The following TRPM7 variants were observed in gnomAD, a reference collection of about 807,000 sequenced individuals.
TRPM7 encodes the protein LTRPC ion channel family member 7.
Under a neutral mutation model 229.7 loss-of-function variants are expected in TRPM7, and 134 were observed. The ratio of observed to expected loss-of-function variants is 0.58; its 90% CI spans 0.51 to 0.67. The LOEUF (loss-of-function observed/expected upper bound fraction) is 0.67. Among genes scored for constraint, TRPM7 ranks in the 30% least tolerant of loss-of-function variants. TRPM7 has a pLI of 0.00. For synonymous variants in TRPM7, 699 were observed against 715.2 expected, an observed-to-expected ratio of 0.98 and a Z score of 0.36; for missense variants, 1,901 against 2,210.0, an observed-to-expected ratio of 0.86 and a Z score of 2.80.
At chr15:50,646,074 G>A (rs941334217) in intron 4 of TRPM7, among the ~76,000 whole-genome samples, 4 of 148,474 alleles carry the variant, frequency 2.7e-5, no homozygotes, top group African/African-American at 1.0e-4. Flanking sequence ...CTGAGATCGC[G>A]CCACTGCACT....
Position 50,641,997 on chromosome 15 carries a change from C to CA in TRPM7, c.535+1342dup, listed in dbSNP as rs36020101. Among the ~76,000 whole-genome samples the CA allele has an allele frequency of 9.4e-3, 1,142 of 121,964 alleles. 19 individuals are homozygous for CA. Among genetic ancestry groups the CA allele is most frequent in the African/African-American group, 0.033 (1,009 of 30,634 alleles). 80.0% of individuals were successfully genotyped at this position (121,964 alleles called of 152,430 possible). A position where few individuals can be genotyped will look rare whatever the true frequency, so the allele number is the denominator to read the frequency against. ...CCTGGGTGACAGCAAGACTCTGTCT[C>CA]AAAAAAAAAAAAAAAAAAGTTGCTG... On this transcript the variant is annotated intron_variant, in intron 5 of 38. Transcript: ENST00000646667.
chr15:50,585,347 G>C (rs2054648059), intron 28 of TRPM7, among the ~76,000 whole-genome samples: 1 of 152,232 alleles, frequency 6.6e-6, no homozygotes, highest in Non-Finnish European at 1.5e-5. Context: ...ACAGGCGTAA[G>C]CCACCTGGCC....
chr15:50,614,495 T>C (rs1820538375), intron 13 of TRPM7, among the ~76,000 whole-genome samples: 1 of 151,984 alleles, frequency 6.6e-6, no homozygotes, highest in Non-Finnish European at 1.5e-5. Context: ...AAACCCCTTC[T>C]CTACTAAAAA....
At chr15:50,583,292 CACAAGAGTT>C in intron 28 of TRPM7, 133 bp from the exon 29 acceptor site, 1 of 501,978 alleles carries the variant, frequency 2.0e-6, no homozygotes, top group Non-Finnish European at 3.5e-6. Context: ...ACACGCTGAA[CACAAGAGTT>C]ACATGAGGCC....
intron 11 of TRPM7, among the ~76,000 whole-genome samples, chr15:50,625,127 G>A (rs1567034005): frequency 1.3e-5 from 2 of 152,072 alleles, no homozygotes; most frequent in Admixed American, 1.3e-4. Context: ...GTATTTCACT[G>A]AGTTTTATTA....
intron 10 of TRPM7, among the ~76,000 whole-genome samples, chr15:50,628,805 G>A (rs1376880199): frequency 6.6e-6 from 1 of 152,170 alleles, no homozygotes; most frequent in Non-Finnish European, 1.5e-5. Flanking sequence ...AAGATGAACT[G>A]TTTCTATCAC....
intron 26 of TRPM7, among the ~76,000 whole-genome samples, chr15:50,590,890 G>GA (rs2059473308): frequency 6.6e-6 from 1 of 151,846 alleles, no homozygotes; most frequent in East Asian, 1.9e-4. Context: ...TATCTAGAGT[G>GA]AATCCCATAT....
At chr15:50,625,042 T>G (rs997544388) in intron 11 of TRPM7, among the ~76,000 whole-genome samples, 5 of 152,220 alleles carry the variant, frequency 3.3e-5, no homozygotes, top group Non-Finnish European at 5.9e-5. Flanking sequence ...GTCCTTTATA[T>G]ATTAAAGCCT....
rs1194030134 is a variant in TRPM7 at position 50,557,382 on chromosome 15, C to T, written c.*4296G>A. 6.6e-6 allele frequency: 1 copy of T among 152,092 alleles called. No homozygotes were observed. Among genetic ancestry groups the T allele is most frequent in the Admixed American group, 6.6e-5 (1 of 15,264 alleles). 9.4% of individuals were successfully genotyped at this position (152,092 alleles called of 1,614,324 possible). On this transcript the variant is annotated 3_prime_UTR_variant, in exon 39 of 39. Coordinates refer to ENST00000646667, the MANE Select transcript of TRPM7 (RefSeq NM_017672.6). ...CCAGTGAAGTCTTGAGGGTCCCTTCCCTCTGTGAAGCATATAATCTAGTGG... is the reference window on the plus strand; with the variant it reads ...CCAGTGAAGTCTTGAGGGTCCCTTCTCTCTGTGAAGCATATAATCTAGTGG...
At chr15:50,586,987 G>C (rs2059360028) in intron 27 of TRPM7, among the ~76,000 whole-genome samples, 1 of 152,122 alleles carries the variant, frequency 6.6e-6, no homozygotes, top group Non-Finnish European at 1.5e-5. Flanking sequence ...CTGCACTCCA[G>C]CCTGCTGGCA....
chr15:50,644,778 C>T (rs946589997), intron 4 of TRPM7, among the ~76,000 whole-genome samples: 1 of 105,096 alleles, frequency 9.5e-6, no homozygotes, highest in Non-Finnish European at 1.7e-5. Flanking sequence ...GGCTGGGCAA[C>T]AAGAGCGAAA....
chr15:50,655,687 A>T (rs1286432348), intron 3 of TRPM7, among the ~76,000 whole-genome samples: 1 of 152,178 alleles, frequency 6.6e-6, no homozygotes, highest in Admixed American at 6.5e-5. Context: ...TACAAGATAA[A>T]ATAATGACAC....
chr15:50,613,729 G>T lies in TRPM7; in HGVS notation c.1748C>A (p.Thr583Lys). 1 of 1,610,218 alleles carries T rather than the reference G, an allele frequency of 6.2e-7. No individual in the cohort carries two copies. The highest frequency in any genetic ancestry group is 8.5e-7 in the Non-Finnish European group (1 of 1,178,192). Reference sequence around the variant, plus strand: ...TACCTTTGGTCGGTAGGGCTGTGCTGTCTTAATGAAATGGTTATGCCTCAT... The same window carrying T: ...TACCTTTGGTCGGTAGGGCTGTGCTTTCTTAATGAAATGGTTATGCCTCAT... ...EKMRHNHFIK[T>K]AQPYRPKIDT... The change falls in exon 15 of 39, where the codon ACA becomes AAA. Residue 583 changes from threonine to lysine, a missense_variant. Thr to Lys is a moderately conservative substitution (Grantham distance 78). Around this residue, in one of 8 missense-constraint regions of TRPM7, gnomAD observed 794 missense variants for 881.9 expected, o/e 0.90. Coordinates refer to ENST00000646667, the MANE Select transcript of TRPM7 (RefSeq NM_017672.6).
At chr15:50,680,131 G>GGACA (rs2062210417) in intron 1 of TRPM7, among the ~76,000 whole-genome samples, 1 of 152,048 alleles carries the variant, frequency 6.6e-6, no homozygotes, top group Non-Finnish European at 1.5e-5. Flanking sequence ...CTACTCGGGA[G>GGACA]GCTGACAGAG....
intron 38 of TRPM7, among the ~76,000 whole-genome samples, chr15:50,569,646 C>G (rs529171966): frequency 6.6e-6 from 1 of 152,176 alleles, no homozygotes; most frequent in Non-Finnish European, 1.5e-5. Context: ...ACTTTCAACA[C>G]TGAGCACAAT....
chr15:50,673,636 A>G (rs1028612707), intron 1 of TRPM7, among the ~76,000 whole-genome samples: 7 of 151,050 alleles, frequency 4.6e-5, no homozygotes, highest in Admixed American at 4.0e-4. Context: ...ATTCCCTCGT[A>G]TATATATATA....
intron 1 of TRPM7, among the ~76,000 whole-genome samples, chr15:50,680,124 C>G (rs1232124663): frequency 6.6e-6 from 1 of 151,976 alleles, no homozygotes; most frequent in African/African-American, 2.4e-5. Context: ...ATCCTAGCTA[C>G]TCGGGAGGCT....
intron 38 of TRPM7, among the ~76,000 whole-genome samples, chr15:50,562,812 T>C (rs1596038440): frequency 6.7e-6 from 1 of 149,260 alleles, no homozygotes; most frequent in Non-Finnish European, 1.5e-5. Flanking sequence ...AAGAGTGTAG[T>C]GAATTATAAT....
intron 36 of TRPM7, 119 bp from the exon 37 acceptor site, chr15:50,570,274 G>T: frequency 1.4e-6 from 1 of 719,760 alleles, no homozygotes; most frequent in Non-Finnish European, 2.2e-6. Context: ...TCATTACAAT[G>T]TTAAACTATT....
Sources: gnomAD v4.1 joint callset for allele counts (sites outside exome capture counted in the v4.1 genomes callset) on GRCh38, gnomAD v4.1.1 for gene constraint, gnomAD v4.1.1 regional missense constraint, MANE v1.5 for transcripts, NCBI Gene and HGNC (gene_info 2026-07-23, HGNC 2026-07-21) for gene names.